PIK3C3: variants seen among roughly 807,000 people sequenced by gnomAD.
PIK3C3 encodes the protein PI3-kinase type 3.
PIK3C3 carries 95 observed loss-of-function variants against 126.1 expected under a neutral mutation model. The ratio of observed to expected loss-of-function variants is 0.75; its 90% CI spans 0.64 to 0.89. The LOEUF (loss-of-function observed/expected upper bound fraction) is 0.89, where lower values mean the gene tolerates loss of function less well. PIK3C3 is among the 40% of genes least tolerant of loss of function. The pLI is 0.00. For synonymous variants in PIK3C3, 374 were observed against 360.0 expected (o/e 1.04, Z -0.44); for missense variants, 829 against 1,063.2 (o/e 0.78, Z 3.06).
chr18:41,971,748 A>G (rs1980676939), intron 4 of PIK3C3, among the ~76,000 whole-genome samples: 1 of 152,052 alleles, frequency 6.6e-6, no homozygotes, highest in Non-Finnish European at 1.5e-5. Flanking sequence ...AAAAGGTTAA[A>G]TTAAAAAAGA....
intron 15 of PIK3C3, among the ~76,000 whole-genome samples, chr18:42,033,172 G>A (rs1983904316): frequency 1.3e-5 from 2 of 152,134 alleles, no homozygotes; most frequent in South Asian, 4.1e-4. Flanking sequence ...TTGAATAGAA[G>A]GGGTTCTTCT....
chr18:41,971,502 T>G (rs1980665187), intron 4 of PIK3C3: 1 of 152,116 alleles, frequency 6.6e-6, no homozygotes, highest in African/African-American at 2.4e-5. Flanking sequence ...GCTTCTCCCA[T>G]CCATAATTAA....
At chr18:42,031,697 A>G (rs1019308886) in intron 15 of PIK3C3, among the ~76,000 whole-genome samples, 10 of 152,192 alleles carry the variant, frequency 6.6e-5, no homozygotes, top group Non-Finnish European at 1.0e-4. Flanking sequence ...GATTACAGGC[A>G]TGAGCCACTG....
At chr18:41,970,272 C>T in intron 3 of PIK3C3, 55 bp from the exon 4 acceptor site, 2 of 1,486,834 alleles carry the variant, frequency 1.3e-6, no homozygotes, top group Non-Finnish European at 1.9e-6. Flanking sequence ...TCTAAAATTT[C>T]CTGTAATGAA....
At chr18:42,013,331 G>T in intron 10 of PIK3C3, 111 bp from the exon 11 acceptor site, 1 of 674,046 alleles carries the variant, frequency 1.5e-6, no homozygotes. Context: ...TAATACAGCT[G>T]AAAAGTGATA....
At chr18:42,041,626 G>A (rs192320843) in intron 19 of PIK3C3, among the ~76,000 whole-genome samples, 68 of 150,364 alleles carry the variant, frequency 4.5e-4, no homozygotes, top group African/African-American at 1.5e-3. Flanking sequence ...AAACAAAAAT[G>A]GATACACCTG....
rs1378333067 is a variant in PIK3C3, at chr18:42,001,678, G to A, written c.985-2678G>A. Among the ~76,000 whole-genome samples the A allele has an allele frequency of 3.3e-5, 5 of 152,084 alleles. No homozygotes were observed. The East Asian group carries it at 9.6e-4, about 29-fold the overall frequency. ...GTACAGTGCCTTATGTTTTTTGGCA[G>A]CAGCATACTTCATAAATCTTGCTAA... On this transcript the variant is annotated intron_variant, in intron 9 of 24. Coordinates refer to ENST00000262039, the MANE Select transcript of PIK3C3 (RefSeq NM_002647.4).
intron 24 of PIK3C3, among the ~76,000 whole-genome samples, chr18:42,071,285 G>C (rs1420668645): frequency 1.3e-5 from 2 of 152,124 alleles, no homozygotes; most frequent in Non-Finnish European, 2.9e-5. Context: ...GACAGTGTTT[G>C]GGACAATAAC....
At chr18:41,964,220 A>C (rs1297023041) in intron 3 of PIK3C3, among the ~76,000 whole-genome samples, 2 of 152,190 alleles carry the variant, frequency 1.3e-5, no homozygotes, top group African/African-American at 4.8e-5. Context: ...TGCTTATTAA[A>C]TAAGTCATCT....
intron 23 of PIK3C3, among the ~76,000 whole-genome samples, chr18:42,065,795 T>C (rs574574951): frequency 1.3e-5 from 2 of 152,182 alleles, no homozygotes; most frequent in Non-Finnish European, 2.9e-5. Context: ...GTTAAGAATC[T>C]TAAGAACCTA....
At chr18:42,039,965 C>A (rs1984231898) in intron 18 of PIK3C3, among the ~76,000 whole-genome samples, 1 of 152,084 alleles carries the variant, frequency 6.6e-6, no homozygotes, top group Non-Finnish European at 1.5e-5. Flanking sequence ...GGTATATAAT[C>A]TCCTAATGTG....
rs566774643 is a variant in PIK3C3, at chr18:42,058,105, G to T, written c.2432+54G>T. The T allele has an allele frequency of 2.8e-6, 4 of 1,439,998 alleles. No homozygotes were observed. The East Asian group carries it at 9.7e-5, about 35-fold the overall frequency. The allele number at this position is 1,439,998 out of a possible 1,614,324, so 89.2% of individuals were successfully genotyped here. Reference sequence around the variant, plus strand: ...TTGGGTAAATTTATTTTATTTTATAGAACAAGAGAATTTGTTTAAATGTAT... The same window carrying T: ...TTGGGTAAATTTATTTTATTTTATATAACAAGAGAATTTGTTTAAATGTAT... On this transcript the variant is annotated intron_variant, in intron 22 of 24. Coordinates refer to ENST00000262039, the MANE Select transcript of PIK3C3 (RefSeq NM_002647.4).
intron 6 of PIK3C3, among the ~76,000 whole-genome samples, chr18:41,991,463 G>T (rs1271690527): frequency 6.6e-6 from 1 of 152,086 alleles, no homozygotes; most frequent in East Asian, 1.9e-4. Flanking sequence ...CATAAATGAT[G>T]ACAGACTTTT....
Position 42,037,747 on chromosome 18 carries a change from C to T in PIK3C3, c.1895C>T (p.Pro632Leu). The T allele has an allele frequency of 6.2e-7, 1 of 1,610,062 alleles. No individual in the cohort carries two copies. The highest frequency in any genetic ancestry group is 8.5e-7 in the Non-Finnish European group (1 of 1,176,712). ...FFKTEDGGKY[P>L]VIFKHGDDLR... ...AAGACGGAAGATGGAGGCAAATATCCAGTTATATTTAAGCATGGAGATGAT... is the reference window on the plus strand; with the variant it reads ...AAGACGGAAGATGGAGGCAAATATCTAGTTATATTTAAGCATGGAGATGAT... The change falls in exon 17 of 25, where the codon CCA (proline) becomes CTA (leucine). Residue 632 changes from proline (P) to leucine (L), a missense_variant. Physicochemically the swap from Pro to Leu is moderately conservative, Grantham distance 98. Coordinates refer to ENST00000262039, the MANE Select transcript of PIK3C3 (RefSeq NM_002647.4).
chr18:42,016,468 A>G (rs933506222), intron 12 of PIK3C3, among the ~76,000 whole-genome samples: 1 of 152,126 alleles, frequency 6.6e-6, no homozygotes, highest in African/African-American at 2.4e-5. Flanking sequence ...CTTAACATGT[A>G]TGGGAACTGT....
chr18:41,975,275 C>T (rs925944165), intron 4 of PIK3C3, among the ~76,000 whole-genome samples: 3 of 152,176 alleles, frequency 2.0e-5, no homozygotes, highest in African/African-American at 7.2e-5. Context: ...CATTTATAAT[C>T]TGGAGCTGCA....
chr18:42,069,190 A>T (rs530597381), intron 24 of PIK3C3, among the ~76,000 whole-genome samples: 1 of 152,304 alleles, frequency 6.6e-6, no homozygotes, highest in African/African-American at 2.4e-5. Context: ...TTTTATTACA[A>T]GGGCTGCCTC....
chr18:41,975,748 G>A (rs200406625), intron 4 of PIK3C3, among the ~76,000 whole-genome samples: 47 of 150,230 alleles, frequency 3.1e-4, no homozygotes, highest in East Asian at 2.3e-3. Context: ...CGCCCAGGCT[G>A]GAGTGCAGTG....
chr18:42,007,646 A>G (rs752644928), intron 10 of PIK3C3, among the ~76,000 whole-genome samples: 11 of 152,088 alleles, frequency 7.2e-5, no homozygotes, highest in Non-Finnish European at 1.2e-4. Context: ...TCTTTTATTT[A>G]CATTTCTTAG....
Sources: gnomAD v4.1 joint callset for allele counts (sites outside exome capture counted in the v4.1 genomes callset) on GRCh38, gnomAD v4.1.1 for gene constraint, MANE v1.5 for transcripts, NCBI Gene and HGNC (gene_info 2026-07-23, HGNC 2026-07-21) for gene names.